Variants in PCDHGA7 observed in about 807,000 individuals in gnomAD.
PCDHGA7 encodes the protein protocadherin gamma subfamily A, 7.
Under a neutral mutation model 58.3 loss-of-function variants are expected in PCDHGA7, and 44 were observed. The observed-to-expected ratio is 0.75, with a 90% confidence interval of 0.59 to 0.97. The LOEUF (loss-of-function observed/expected upper bound fraction) is 0.97. Among genes scored for constraint, PCDHGA7 ranks in the 50% least tolerant of loss-of-function variants. PCDHGA7 has a pLI of 0.00. For synonymous variants in PCDHGA7, 516 were observed against 504.2 expected (o/e 1.02, Z -0.31); for missense variants, 1,266 against 1,188.7 (o/e 1.06, Z -0.96).
At chr5:141,506,930 T>C (rs2099857287) in intron 3 of PCDHGA7, among the ~76,000 whole-genome samples, 1 of 152,150 alleles carries the variant, frequency 6.6e-6, no homozygotes, top group African/African-American at 2.4e-5. Context: ...AAACAAACTT[T>C]AGGGGCCTCC....
At chr5:141,480,702 C>T (rs1455955207) in intron 1 of PCDHGA7, among the ~76,000 whole-genome samples, 1 of 152,170 alleles carries the variant, frequency 6.6e-6, no homozygotes, top group African/African-American at 2.4e-5. Context: ...AGGCCACACC[C>T]CGACAAATGA....
intron 1 of PCDHGA7, chr5:141,423,486 C>G: frequency 6.2e-7 from 1 of 1,613,952 alleles, no homozygotes; most frequent in Non-Finnish European, 8.5e-7. Context: ...TCCTGCAAAC[C>G]TATTCCCACG....
chr5:141,392,900 A>G, intron 1 of PCDHGA7: 1 of 1,613,714 alleles, frequency 6.2e-7, no homozygotes, highest in Non-Finnish European at 8.5e-7. Flanking sequence ...TCGGGAGGGG[A>G]CAGATTCGCT....
chr5:141,489,335 G>T lies in PCDHGA7; in HGVS notation c.2425-5472G>T. On this transcript the variant is annotated intron_variant, in intron 1 of 3. Transcript: ENST00000518325. This position sits in a 1 kb window ranked among gnomAD's most constrained non-coding sequence, Gnocchi z 4.5. ...TGGGGCTGGGTGTCTGGGCAGCTTC[G>T]TTACTCAGTGGTGGAGGAGTCTGAG... 1.2e-6 allele frequency: 2 copies of T among 1,607,364 alleles called. No individual in the cohort carries two copies. The highest frequency in any genetic ancestry group is 1.7e-6 in the Non-Finnish European group (2 of 1,175,842).
At chr5:141,423,257 G>A in intron 1 of PCDHGA7, 2 of 1,613,946 alleles carry the variant, frequency 1.2e-6, no homozygotes, top group Non-Finnish European at 1.7e-6. Context: ...GCGGACCTCG[G>A]CAGCCTCGAG....
intron 1 of PCDHGA7, chr5:141,403,166 A>G (rs907710099): frequency 1.2e-6 from 2 of 1,614,002 alleles, no homozygotes; most frequent in Non-Finnish European, 1.7e-6. Flanking sequence ...TAGAGGTAGG[A>G]CGCAGCTTTT....
chr5:141,404,948 G>C, intron 1 of PCDHGA7: 2 of 1,613,956 alleles, frequency 1.2e-6, no homozygotes, highest in Non-Finnish European at 1.7e-6. Context: ...AGCCATAGCT[G>C]ACAGCATCCC....
At chr5:141,508,604 A>G (rs2099870124) in intron 3 of PCDHGA7, among the ~76,000 whole-genome samples, 1 of 152,150 alleles carries the variant, frequency 6.6e-6, no homozygotes, top group African/African-American at 2.4e-5. Flanking sequence ...TCTTGGGTGC[A>G]CATAGGACGT....
Position 141,384,312 on chromosome 5 carries a change from T to A in PCDHGA7, c.1413T>A (p.Ile471=). Residue 471 remains isoleucine, a synonymous_variant, in exon 1 of 4, where the codon ATT becomes ATA. Transcript: ENST00000518325. The part of the protein sequence containing the change: ...IAENNPRGAS[I]FLVTAQDHDS... ...AGAACAACCCCAGAGGGGCCTCCAT[T>A]TTCTTAGTGACTGCACAGGACCACG... The A allele has an allele frequency of 6.2e-7, 1 of 1,613,806 alleles. No homozygotes were observed.
chr5:141,384,845 A>G lies in PCDHGA7; in HGVS notation c.1946A>G (p.His649Arg), dbSNP rs866832912. The change falls in exon 1 of 4, where the codon CAC becomes CGC. Residue 649 changes from histidine (H) to arginine (R), a missense_variant. Coordinates refer to ENST00000518325, the MANE Select transcript of PCDHGA7 (RefSeq NM_018920.4). ...AGCCTCGTGGTGGCCGTCCAGGACC[A>G]CGGTCAGCCTCCTCTGTCAGCCACC... ...KQSLVVAVQD[H>R]GQPPLSATVT... 6.2e-7 allele frequency: 1 copy of G among 1,613,546 alleles called. No individual in the cohort carries two copies.
At chr5:141,473,944 CTGTA>C (rs2099333270) in intron 1 of PCDHGA7, among the ~76,000 whole-genome samples, 2 of 152,156 alleles carry the variant, frequency 1.3e-5, no homozygotes, top group Non-Finnish European at 2.9e-5. Context: ...TAGCTCAGGC[CTGTA>C]GTCCCATCTA....
At chr5:141,448,748 G>A (rs1476665217) in intron 1 of PCDHGA7, among the ~76,000 whole-genome samples, 1 of 151,980 alleles carries the variant, frequency 6.6e-6, no homozygotes, top group Admixed American at 6.6e-5. Context: ...AGACCATCCT[G>A]GCTAACACGG....
intron 1 of PCDHGA7, among the ~76,000 whole-genome samples, chr5:141,452,375 G>A (rs1239059045): frequency 2.0e-5 from 3 of 152,194 alleles, no homozygotes; most frequent in African/African-American, 7.2e-5. Context: ...TTTTAGTAGG[G>A]AATAGTATTT....
At chr5:141,469,804 T>C (rs1433459377) in intron 1 of PCDHGA7, among the ~76,000 whole-genome samples, 1 of 152,060 alleles carries the variant, frequency 6.6e-6, no homozygotes, top group Non-Finnish European at 1.5e-5. Context: ...TGCAAAAACA[T>C]TGTAGATAGA....
intron 1 of PCDHGA7, chr5:141,422,654 C>T: frequency 1.2e-6 from 2 of 1,610,030 alleles, no homozygotes; most frequent in Non-Finnish European, 1.7e-6. Flanking sequence ...TTCTCAGTGA[C>T]CGCCCTCGAC....
intron 2 of PCDHGA7, among the ~76,000 whole-genome samples, chr5:141,501,136 G>A (rs909142955): frequency 6.6e-6 from 1 of 152,090 alleles, no homozygotes; most frequent in Non-Finnish European, 1.5e-5. Context: ...CTAAGTGCTG[G>A]GATTACAGGT....
intron 1 of PCDHGA7, among the ~76,000 whole-genome samples, chr5:141,483,276 TA>T (rs755290434): frequency 2.2e-4 from 33 of 152,238 alleles, no homozygotes; most frequent in Non-Finnish European, 3.8e-4. Context: ...TTAGAAATAT[TA>T]TTCTGTCAGT....
chr5:141,439,556 C>A (rs543620281), intron 1 of PCDHGA7, among the ~76,000 whole-genome samples: 1 of 152,268 alleles, frequency 6.6e-6, no homozygotes, highest in East Asian at 1.9e-4. Context: ...CTTCAGGCTG[C>A]AGTTCTAGAG....
At chr5:141,426,963 C>G (rs1008659501) in intron 1 of PCDHGA7, 1 of 456,646 alleles carries the variant, frequency 2.2e-6, no homozygotes, top group African/African-American at 2.0e-5. Flanking sequence ...TGCTGCAATT[C>G]AAATTGAGGT....
Sources: gnomAD v4.1 joint callset for allele counts (sites outside exome capture counted in the v4.1 genomes callset) on GRCh38, gnomAD v4.1.1 for gene constraint, Gnocchi (gnomAD v3.1) non-coding constraint, MANE v1.5 for transcripts, NCBI Gene and HGNC (gene_info 2026-07-23, HGNC 2026-07-21) for gene names.